Variants in ALG6 observed in about 807,000 individuals in gnomAD.
The protein encoded by ALG6 is ALG6 alpha-1,3-glucosyltransferase.
Under a neutral mutation model 66.6 loss-of-function variants are expected in ALG6, and 46 were observed. The observed-to-expected ratio is 0.69, with a 90% CI of 0.55 to 0.88. The LOEUF (loss-of-function observed/expected upper bound fraction) is 0.88, where lower values mean the gene tolerates loss of function less well. Among genes scored for constraint, ALG6 ranks in the 40% least tolerant of loss-of-function variants. The pLI is 0.00. For synonymous variants in ALG6, 185 were observed against 203.7 expected, an observed-to-expected ratio of 0.91 and a Z score of 0.78; for missense variants, 505 against 586.8, an observed-to-expected ratio of 0.86 and a Z score of 1.44.
chr1:63,368,970 C>A (rs1301205076), intron 1 of ALG6, among the ~76,000 whole-genome samples: 1 of 152,190 alleles, frequency 6.6e-6, no homozygotes, highest in Non-Finnish European at 1.5e-5. Context: ...CCCCTCCCAA[C>A]CACCATCCCT....
chr1:63,411,806 G>A (rs1488868451), intron 8 of ALG6, 120 bp from the exon 9 acceptor site: 8 of 1,347,810 alleles, frequency 5.9e-6, no homozygotes, highest in Non-Finnish European at 7.4e-6. Context: ...AGCCTATATT[G>A]GTAACATAGA....
At position 63,406,427 on chromosome 1, in the gene ALG6, G is replaced by A. The variant is rs201566478; in HGVS notation, c.429+28G>A. 4.8e-4 allele frequency: 757 copies of A among 1,575,802 alleles called. No homozygotes were observed. The African/African-American group carries it at 8.0e-3, about 17-fold the overall frequency. On this transcript the variant is annotated intron_variant, in intron 6 of 14. Coordinates refer to ENST00000263440, the MANE Select transcript of ALG6 (RefSeq NM_013339.4). The stretch of plus-strand genomic sequence containing the variant: ...AGGTTTTCAAGCAGCCTGACAGTTC[G>A]TCTCTGAAATGTATTCTTTATTAGT...
chr1:63,392,951 T>G (rs1183901902), intron 2 of ALG6, among the ~76,000 whole-genome samples: 1 of 152,170 alleles, frequency 6.6e-6, no homozygotes, highest in Non-Finnish European at 1.5e-5. Context: ...CTAAAGAGAG[T>G]CATTATCCAT....
chr1:63,426,492 T>G (rs1644616056), intron 12 of ALG6, among the ~76,000 whole-genome samples: 1 of 152,148 alleles, frequency 6.6e-6, no homozygotes, highest in South Asian at 2.1e-4. Flanking sequence ...TACTTTGAGG[T>G]TAGGAGCTGA....
At position 63,380,720 on chromosome 1, in the gene ALG6, C is replaced by A. The variant is rs1357925836; in HGVS notation, c.82+9661C>A. ...TGCTTAATGGGAATTCAGGAGGGGA[C>A]AATTCATCCAATACTTCTCTATTCC... On this transcript the variant is annotated intron_variant, in intron 2 of 14. Transcript: ENST00000263440. Among the ~76,000 whole-genome samples the A allele has an allele frequency of 3.3e-5, 5 of 152,148 alleles. No individual in the cohort carries two copies. In the East Asian group the frequency reaches 9.6e-4, roughly 29 times the overall value.
intron 2 of ALG6, among the ~76,000 whole-genome samples, chr1:63,393,405 A>G (rs536134937): frequency 6.6e-6 from 1 of 152,314 alleles, no homozygotes; most frequent in East Asian, 1.9e-4. Context: ...TTCTCTGCCT[A>G]TGGGATATAA....
intron 2 of ALG6, 81 bp from the exon 3 acceptor site, chr1:63,396,432 T>G: frequency 8.2e-7 from 1 of 1,226,910 alleles, no homozygotes; most frequent in Non-Finnish European, 1.2e-6. Context: ...CTCTCTAATT[T>G]AGACAATTTT....
chr1:63,371,232 A>G (rs1476586185), intron 2 of ALG6, 173 bp downstream of exon 2: 1 of 603,812 alleles, frequency 1.7e-6, no homozygotes, highest in African/African-American at 1.9e-5. Context: ...TATGGATAAC[A>G]GCTAAATAGA....
At chr1:63,422,388 TATAAATATATATCTATATAAATATAA>T (rs1644588708) in intron 12 of ALG6, among the ~76,000 whole-genome samples, 2 of 101,840 alleles carry the variant, frequency 2.0e-5, no homozygotes, top group Admixed American at 1.3e-4. Context: ...TATAAATATA[TATAAATATATATCTATATAAATATAA>T]ATATATATAT....
intron 7 of ALG6, among the ~76,000 whole-genome samples, chr1:63,408,772 A>G (rs1352966208): frequency 6.6e-6 from 1 of 152,030 alleles, no homozygotes; most frequent in African/African-American, 2.4e-5. Flanking sequence ...TCTTGTAAGG[A>G]TACATTTTTT....
chr1:63,429,223 T>C, intron 14 of ALG6, 97 bp downstream of exon 14: 1 of 897,946 alleles, frequency 1.1e-6, no homozygotes, highest in Non-Finnish European at 1.7e-6. Context: ...TTTTGAGATA[T>C]AATTCACATA....
intron 2 of ALG6, among the ~76,000 whole-genome samples, chr1:63,387,619 G>A (rs1043897987): frequency 7.8e-6 from 1 of 128,444 alleles, no homozygotes; most frequent in Non-Finnish European, 1.5e-5. Flanking sequence ...TCGGCTCACT[G>A]CAACCTCCTG....
chr1:63,436,253 C>A (rs937741538), intron 14 of ALG6, among the ~76,000 whole-genome samples: 1 of 152,024 alleles, frequency 6.6e-6, no homozygotes, highest in African/African-American at 2.4e-5. Flanking sequence ...AAGATCAAAT[C>A]GGGGTAACTG....
chr1:63,396,351 A>G (rs939736486), intron 2 of ALG6, among the ~76,000 whole-genome samples, 162 bp from the exon 3 acceptor site: 5 of 152,058 alleles, frequency 3.3e-5, no homozygotes, highest in South Asian at 2.1e-4. Flanking sequence ...GTGTGCCAGC[A>G]GTGCTAGATT....
At chr1:63,414,433 A>G (rs1044586915) in intron 10 of ALG6, among the ~76,000 whole-genome samples, 7 of 151,950 alleles carry the variant, frequency 4.6e-5, no homozygotes, top group Middle Eastern at 3.4e-3. Flanking sequence ...GTATTTTAGT[A>G]AAGATGAGGT....
chr1:63,408,237 T>G (rs960056315), intron 7 of ALG6, among the ~76,000 whole-genome samples: 3 of 152,186 alleles, frequency 2.0e-5, no homozygotes, highest in Admixed American at 1.3e-4. Flanking sequence ...CTTTTTTGAA[T>G]TTTATATGAA....
chr1:63,404,236 T>C (rs1644479715), intron 4 of ALG6, among the ~76,000 whole-genome samples: 1 of 152,224 alleles, frequency 6.6e-6, no homozygotes. Context: ...ATACCTTACA[T>C]AGTTTTGTTG....
intron 1 of ALG6, among the ~76,000 whole-genome samples, chr1:63,369,863 G>C (rs1215888982): frequency 6.6e-6 from 1 of 151,716 alleles, no homozygotes; most frequent in Non-Finnish European, 1.5e-5. Flanking sequence ...TTGTTGCCCA[G>C]GCTGGAGTGC....
chr1:63,390,614 A>C (rs1175780838), intron 2 of ALG6, among the ~76,000 whole-genome samples: 1 of 152,096 alleles, frequency 6.6e-6, no homozygotes. Context: ...TTTCAAATTT[A>C]TTTAAGACCC....
Sources: gnomAD v4.1 joint callset for allele counts (sites outside exome capture counted in the v4.1 genomes callset) on GRCh38, gnomAD v4.1.1 for gene constraint, MANE v1.5 for transcripts, NCBI Gene and HGNC (gene_info 2026-07-23, HGNC 2026-07-21) for gene names.